Variants in ANKS1B observed in about 807,000 individuals in gnomAD.
ANKS1B encodes the protein ankyrin repeat and sterile alpha motif domain-containing protein 1B.
In ANKS1B, 36 loss-of-function variants were observed where a neutral mutation model predicts 148.3. The ratio of observed to expected loss-of-function variants is 0.24; its 90% CI spans 0.19 to 0.32. ANKS1B has a LOEUF of 0.32. Among genes scored for constraint, ANKS1B ranks in the 10% least tolerant of loss-of-function variants. The pLI is 1.00. For synonymous variants in ANKS1B, 542 were observed against 560.8 expected, an observed-to-expected ratio of 0.97 and a Z score of 0.47; for missense variants, 1,157 against 1,542.6, an observed-to-expected ratio of 0.75 and a Z score of 4.19.
intron 15 of ANKS1B, among the ~76,000 whole-genome samples, chr12:99,107,900 TAAAAC>T (rs2059555830): frequency 9.1e-6 from 1 of 110,488 alleles, no homozygotes; most frequent in South Asian, 2.9e-4. Flanking sequence ...ACACAATAAT[TAAAAC>T]AAAGATTTTT....
At chr12:98,927,795 T>C (rs991615526) in intron 17 of ANKS1B, among the ~76,000 whole-genome samples, 12 of 147,286 alleles carry the variant, frequency 8.1e-5, no homozygotes, top group African/African-American at 3.0e-4. Context: ...AACAAGAAAA[T>C]TAAAATAGTA....
chr12:99,188,159 T>C (rs947090473), intron 14 of ANKS1B, among the ~76,000 whole-genome samples: 11 of 152,212 alleles, frequency 7.2e-5, no homozygotes, highest in African/African-American at 2.4e-4. Context: ...TCTAAATATA[T>C]ATGCACTCAA....
rs371855567 is a variant in ANKS1B at position 99,772,996 on chromosome 12, T to C, written c.1054A>G (p.Ile352Val). 6 of 1,612,768 alleles carry C rather than the reference T, an allele frequency of 3.7e-6. No individual in the cohort carries two copies. The African/African-American group carries it at 5.3e-5, about 14-fold the overall frequency. The stretch of plus-strand genomic sequence containing the variant: ...AAATTATCTAAGTAGTGGTCTGATA[T>C]TGTGTGGCACAAGTCTTCAAACGAA... ...DYSFEDLCHTISDHYLDNLSK... is the reference protein window; with the variant it reads ...DYSFEDLCHTVSDHYLDNLSK... The change falls in exon 8 of 27, where the codon ATA becomes GTA. Residue 352 changes from isoleucine to valine, a missense_variant. Ile to Val is a conservative substitution (Grantham distance 29, BLOSUM62 3). Coordinates refer to ENST00000683438, the MANE Select transcript of ANKS1B (RefSeq NM_001352186.2).
intron 12 of ANKS1B, among the ~76,000 whole-genome samples, chr12:99,279,549 T>C (rs1044927755): frequency 1.3e-5 from 2 of 152,092 alleles, no homozygotes; most frequent in Non-Finnish European, 2.9e-5. Flanking sequence ...TTCATATAAA[T>C]GGAAGCATGC....
intron 1 of ANKS1B, among the ~76,000 whole-genome samples, chr12:99,863,172 T>C (rs2090264160): frequency 6.6e-6 from 1 of 152,128 alleles, no homozygotes; most frequent in Non-Finnish European, 1.5e-5. Context: ...TGTATGTGCC[T>C]CTGTTTTTTA....
In ANKS1B at chr12:99,504,496, C is replaced by T. The variant is rs765533361; in HGVS notation, c.1418G>A (p.Arg473Lys). 1.5e-5 allele frequency: 24 copies of T among 1,611,900 alleles called. No individual in the cohort carries two copies. In the African/African-American group the frequency reaches 2.8e-4, roughly 19 times the overall value. ...ATTACCAGTTCTTGGGGAAGGTGCC[C>T]TTGCAATTTCTAAGGAGCAAGGTTT... Reference protein sequence around the residue: ...TKKPCSLEIARAPSPRTDNAS... With the variant: ...TKKPCSLEIAKAPSPRTDNAS... Residue 473 changes from arginine to lysine, a missense_variant, in exon 10 of 27, where the codon AGG becomes AAG. This residue lies in a region of ANKS1B where 661 missense variants were observed against 642.1 expected (regional missense o/e 1.03). Transcript: ENST00000683438.
At chr12:98,962,835 C>T (rs1447651220) in intron 17 of ANKS1B, among the ~76,000 whole-genome samples, 1 of 152,042 alleles carries the variant, frequency 6.6e-6, no homozygotes, top group East Asian at 1.9e-4. Flanking sequence ...ATAGTATGCT[C>T]CTGAATGACC....
intron 8 of ANKS1B, among the ~76,000 whole-genome samples, chr12:99,740,612 T>C (rs2060005520): frequency 6.6e-6 from 1 of 152,118 alleles, no homozygotes; most frequent in African/African-American, 2.4e-5. Flanking sequence ...GCCAGCAAGA[T>C]GGCCAAATAG....
At chr12:99,284,142 T>C (rs1011832279) in intron 12 of ANKS1B, among the ~76,000 whole-genome samples, 2 of 152,168 alleles carry the variant, frequency 1.3e-5, no homozygotes, top group African/African-American at 4.8e-5. Flanking sequence ...TAGTAAACAA[T>C]CTGTAGGGAA....
At chr12:99,764,239 T>C (rs909011291) in intron 8 of ANKS1B, among the ~76,000 whole-genome samples, 6 of 152,190 alleles carry the variant, frequency 3.9e-5, no homozygotes. Context: ...AAGGAGCTTA[T>C]AGGCAAAGTC....
chr12:99,459,134 C>A (rs2095900664), intron 10 of ANKS1B, among the ~76,000 whole-genome samples: 1 of 151,926 alleles, frequency 6.6e-6, no homozygotes, highest in South Asian at 2.1e-4. Flanking sequence ...TGTGATACAC[C>A]ACATAAACAG....
chr12:98,999,808 T>C (rs2099931874), intron 17 of ANKS1B, among the ~76,000 whole-genome samples: 1 of 152,180 alleles, frequency 6.6e-6, no homozygotes, highest in African/African-American at 2.4e-5. Flanking sequence ...TCTGCATGGC[T>C]TGGGTTGACT....
intron 9 of ANKS1B, among the ~76,000 whole-genome samples, chr12:99,518,436 TTGATAGGTTGTC>T (rs1387868449): frequency 6.6e-6 from 1 of 152,180 alleles, no homozygotes; most frequent in African/African-American, 2.4e-5. Flanking sequence ...TGGCTCAATT[TTGATAGGTTGTC>T]TGTGTCTAGT....
chr12:99,538,018 T>C (rs1223739591), intron 9 of ANKS1B, among the ~76,000 whole-genome samples: 1 of 152,170 alleles, frequency 6.6e-6, no homozygotes, highest in African/African-American at 2.4e-5. Flanking sequence ...GAGACTGTCT[T>C]TTCCCCAGTG....
chr12:99,984,103 C>A lies in ANKS1B; in HGVS notation c.134+1G>T, dbSNP rs1287033481. ...ACCCCGGAGCTGGTGCCCGTCCTTA[C>A]CTTAGCAGATTAGACAGGGGCAGGG... On this transcript the variant is annotated splice_donor_variant, in intron 1 of 26. Transcript: ENST00000683438. LOFTEE classifies it high-confidence loss of function. 6.2e-7 allele frequency: 1 copy of A among 1,612,244 alleles called. No homozygotes were observed. Among genetic ancestry groups the A allele is most frequent in the Non-Finnish European group, 8.5e-7 (1 of 1,178,872 alleles).
intron 1 of ANKS1B, among the ~76,000 whole-genome samples, chr12:99,982,128 T>A (rs1426039912): frequency 1.3e-5 from 2 of 152,074 alleles, no homozygotes; most frequent in African/African-American, 4.8e-5. Flanking sequence ...TACAACTTGG[T>A]TCGAAGTACT....
intron 17 of ANKS1B, among the ~76,000 whole-genome samples, chr12:98,842,102 C>T (rs149132363): frequency 2.0e-3 from 304 of 152,146 alleles, no homozygotes; most frequent in African/African-American, 7.1e-3. Context: ...ATACATATGC[C>T]CACATAAAGA....
At chr12:99,273,747 T>C (rs1282964212) in intron 12 of ANKS1B, among the ~76,000 whole-genome samples, 1 of 151,616 alleles carries the variant, frequency 6.6e-6, no homozygotes, top group Non-Finnish European at 1.5e-5. Context: ...CGGCTAATTT[T>C]TTGTATTTTT....
chr12:99,626,718 T>C (rs892491506), intron 9 of ANKS1B, among the ~76,000 whole-genome samples: 1 of 152,048 alleles, frequency 6.6e-6, no homozygotes, highest in Non-Finnish European at 1.5e-5. Context: ...TTGGGGCGAA[T>C]GGAAAACCAT....
Sources: allele counts gnomAD v4.1 joint callset (sites outside exome capture counted in the v4.1 genomes callset), GRCh38; gene constraint gnomAD v4.1.1; regional missense constraint gnomAD v4.1.1; transcripts MANE v1.5; gene names NCBI Gene and HGNC (gene_info 2026-07-23, HGNC 2026-07-21).